The following DCUN1D2 variants were observed in gnomAD, a reference collection of about 807,000 sequenced individuals.
The protein encoded by DCUN1D2 is DCN1-like protein 2.
In DCUN1D2, 29 loss-of-function variants were observed where a neutral mutation model predicts 30.9. The observed-to-expected ratio is 0.94, with a 90% confidence interval of 0.70 to 1.28. DCUN1D2 has a LOEUF of 1.28. Ranked by LOEUF, DCUN1D2 falls within the 50% of genes most tolerant of loss-of-function variation. The pLI is 0.00. For missense variants in DCUN1D2, 325 were observed against 316.9 expected (o/e 1.03, Z -0.19); for synonymous variants, 121 against 115.3 (o/e 1.05, Z -0.32).
At chr13:113,480,013 G>A (rs1376361304) in intron 3 of DCUN1D2, among the ~76,000 whole-genome samples, 4 of 152,136 alleles carry the variant, frequency 2.6e-5, no homozygotes, top group Non-Finnish European at 5.9e-5. Flanking sequence ...ACTGTTGACC[G>A]AAATGTCATT....
intron 4 of DCUN1D2, among the ~76,000 whole-genome samples, chr13:113,467,513 G>C (rs2044426017): frequency 6.8e-6 from 1 of 147,210 alleles, no homozygotes; most frequent in Admixed American, 6.7e-5. Flanking sequence ...AAAAAAAAAA[G>C]GAGATTTTTA....
intron 4 of DCUN1D2, among the ~76,000 whole-genome samples, chr13:113,465,545 A>G (rs890440310): frequency 6.6e-6 from 1 of 151,722 alleles, no homozygotes; most frequent in African/African-American, 2.4e-5. Flanking sequence ...AAGAACAGCC[A>G]CAGCAGAAAC....
At chr13:113,490,769 G>C, upstream of DCUN1D2, 1 of 1,094,492 alleles carries the variant, frequency 9.1e-7, no homozygotes, top group Admixed American at 4.9e-5. This position sits in a 1 kb window ranked among gnomAD's most constrained non-coding sequence, Gnocchi z 5.2. Flanking sequence ...TCGGCTCCGG[G>C]GCAGTGCCGG....
intron 4 of DCUN1D2, among the ~76,000 whole-genome samples, chr13:113,473,472 T>C (rs1457285750): frequency 6.6e-6 from 1 of 152,182 alleles, no homozygotes; most frequent in Non-Finnish European, 1.5e-5. Context: ...TATTTTAAAA[T>C]AAAACGCAAA....
At chr13:113,462,973 CT>C in intron 4 of DCUN1D2, 1 of 744,288 alleles carries the variant, frequency 1.3e-6, no homozygotes, top group South Asian at 2.6e-5. Flanking sequence ...AAAAACTTTT[CT>C]TACAAAGGAC....
At position 113,457,593 on chromosome 13, in the gene DCUN1D2, G is replaced by A. The variant is rs78691576; in HGVS notation, c.*436C>T. 7.0e-3 allele frequency: 1,077 copies of A among 154,192 alleles called. 31 individuals carry two copies. In the East Asian group the frequency reaches 0.084, roughly 12 times the overall value. The allele number at this position is 154,192 out of a possible 1,614,324, so 9.6% of individuals were successfully genotyped here. On this transcript the variant is annotated 3_prime_UTR_variant, in exon 7 of 7. Coordinates refer to ENST00000478244, the MANE Select transcript of DCUN1D2 (RefSeq NM_001014283.2). Reference sequence around the variant, plus strand: ...AGGGCACATTCTTAACAGCTTTGACGTGTATAAAAACGCAGCGCCCTGCAG... The same window carrying A: ...AGGGCACATTCTTAACAGCTTTGACATGTATAAAAACGCAGCGCCCTGCAG...
intron 3 of DCUN1D2, among the ~76,000 whole-genome samples, chr13:113,479,978 G>A (rs545865218): frequency 5.9e-5 from 9 of 152,110 alleles, no homozygotes; most frequent in Non-Finnish European, 1.0e-4. Context: ...CTAACCTTAC[G>A]GGACCACTGT....
chr13:113,490,076 C>T lies in DCUN1D2; in HGVS notation c.3+591G>A, dbSNP rs1566511955. Among the ~76,000 whole-genome samples the T allele has an allele frequency of 6.6e-6, 1 of 152,162 alleles. No individual in the cohort carries two copies. The highest frequency in any genetic ancestry group is 1.5e-5 in the Non-Finnish European group (1 of 68,032). On this transcript the variant is annotated intron_variant, in intron 1 of 6. Transcript: ENST00000478244. This position sits in a 1 kb window ranked among gnomAD's most constrained non-coding sequence, Gnocchi z 5.2. ...CACATTTCAAAGTAACTGATGTGCA[C>T]CTCCAGCAGCCTCCCTCCTGCGCTG...
At chr13:113,462,267 T>A (rs904866663) in intron 4 of DCUN1D2, among the ~76,000 whole-genome samples, 20 of 148,774 alleles carry the variant, frequency 1.3e-4, no homozygotes, top group South Asian at 4.2e-4. Flanking sequence ...AAAAAAAAAA[T>A]TAAATAAATA....
chr13:113,462,145 G>C (rs2139678572), intron 4 of DCUN1D2, among the ~76,000 whole-genome samples: 1 of 152,016 alleles, frequency 6.6e-6, no homozygotes, highest in East Asian at 1.9e-4. Context: ...CCAGCTACTG[G>C]GGAGGCTGAG....
intron 4 of DCUN1D2, among the ~76,000 whole-genome samples, chr13:113,464,096 TTGAAG>T (rs2044363559): frequency 6.6e-6 from 1 of 152,244 alleles, no homozygotes; most frequent in South Asian, 2.1e-4. Context: ...TATAATCTAT[TTGAAG>T]TGTTTACAAA....
chr13:113,480,656 A>C lies in DCUN1D2; in HGVS notation c.308T>G (p.Leu103Trp). ...LSLDPASISV[L>W]VIAWKFRAAT... ...TGCCCTGAACTTCCACGCTATGACC[A>C]ATACACTGATACTGGCAGGATCCAG... Residue 103 changes from leucine (L) to tryptophan (W), a missense_variant, in exon 3 of 7, where the codon TTG becomes TGG. Leu to Trp is a moderately conservative substitution (Grantham distance 61). Coordinates refer to ENST00000478244, the MANE Select transcript of DCUN1D2 (RefSeq NM_001014283.2). 1 of 1,614,194 alleles carries C rather than the reference A, an allele frequency of 6.2e-7. No individual in the cohort carries two copies. Among genetic ancestry groups the C allele is most frequent in the Non-Finnish European group, 8.5e-7 (1 of 1,180,016 alleles).
At chr13:113,486,813 A>G (rs921254552) in intron 1 of DCUN1D2, among the ~76,000 whole-genome samples, 2 of 152,236 alleles carry the variant, frequency 1.3e-5, no homozygotes, top group African/African-American at 4.8e-5. Context: ...GAAGATCAGA[A>G]GCCTTCATTC....
Position 113,490,330 on chromosome 13 carries a change from G to A in DCUN1D2, c.3+337C>T. On this transcript the variant is annotated intron_variant, in intron 1 of 6. Coordinates refer to ENST00000478244, the MANE Select transcript of DCUN1D2 (RefSeq NM_001014283.2). The surrounding 1 kb of genome is among the most constrained non-coding windows in gnomAD (Gnocchi z 5.2). ...GAGCCCTCGCCCGCCTCGACTGCCC[G>A]TTTCGAAGCCGCCCTGGGAAGCCCC... 4.1e-6 allele frequency: 1 copy of A among 241,872 alleles called. No individual in the cohort carries two copies. The highest frequency in any genetic ancestry group is 7.9e-6 in the Non-Finnish European group (1 of 126,638). The allele number at this position is 241,872 out of a possible 1,614,324, so 15.0% of individuals were successfully genotyped here.
chr13:113,490,597 G>T lies in DCUN1D2; in HGVS notation c.3+70C>A. 1.7e-6 allele frequency: 2 copies of T among 1,202,780 alleles called. No individual in the cohort carries two copies. Among genetic ancestry groups the T allele is most frequent in the East Asian group, 3.5e-5 (1 of 28,384 alleles). 74.5% of individuals were successfully genotyped at this position (1,202,780 alleles called of 1,614,324 possible). A position where few individuals can be genotyped will look rare whatever the true frequency, so the allele number is the denominator to read the frequency against. On this transcript the variant is annotated intron_variant, in intron 1 of 6. Coordinates refer to ENST00000478244, the MANE Select transcript of DCUN1D2 (RefSeq NM_001014283.2). The surrounding 1 kb of genome is among the most constrained non-coding windows in gnomAD (Gnocchi z 5.2). The stretch of plus-strand genomic sequence containing the variant: ...CTCGGCCTCCCACATCCAGCGCGCC[G>T]CCTGCGCCGACCTTGGGGCCCGACC...
intron 4 of DCUN1D2, among the ~76,000 whole-genome samples, chr13:113,470,451 GAAAT>G (rs753304732): frequency 6.6e-6 from 1 of 152,192 alleles, no homozygotes; most frequent in South Asian, 2.1e-4. Context: ...AAATAAAAAA[GAAAT>G]GAAGTACAGA....
At chr13:113,458,815 GC>G (rs896771495) in intron 6 of DCUN1D2, among the ~76,000 whole-genome samples, 1 of 152,210 alleles carries the variant, frequency 6.6e-6, no homozygotes, top group African/African-American at 2.4e-5. Flanking sequence ...TAGAGGGGAG[GC>G]CTTCCACCCA....
At chr13:113,458,583 C>A (rs112744099) in intron 6 of DCUN1D2, among the ~76,000 whole-genome samples, 8 of 152,228 alleles carry the variant, frequency 5.3e-5, no homozygotes, top group African/African-American at 1.9e-4. Context: ...CTGGAAGCCG[C>A]GCTTCTGTCA....
upstream of DCUN1D2, chr13:113,491,027 C>T (rs533516503): frequency 1.6e-3 from 260 of 162,774 alleles, no homozygotes; most frequent in African/African-American, 5.9e-3. Context: ...GGGCGGGAGT[C>T]CGGGTCGGCT....
Sources: allele counts gnomAD v4.1 joint callset (sites outside exome capture counted in the v4.1 genomes callset), GRCh38; gene constraint gnomAD v4.1.1; non-coding constraint Gnocchi (gnomAD v3.1); transcripts MANE v1.5; gene names NCBI Gene and HGNC (gene_info 2026-07-23, HGNC 2026-07-21).